The following ANK3 variants were observed in gnomAD, a reference collection of about 807,000 sequenced individuals.
ANK3 encodes ankyrin-3.
ANK3 carries 57 observed loss-of-function variants against 370.9 expected under a neutral mutation model. The ratio of observed to expected loss-of-function variants is 0.15; its 90% confidence interval spans 0.12 to 0.19. The LOEUF is 0.19. ANK3 is among the 10% of genes least tolerant of loss of function. ANK3 has a pLI of 1.00. For synonymous variants in ANK3, 1,929 were observed against 1,946.3 expected (o/e 0.99, Z 0.23); for missense variants, 4,439 against 5,302.1 (o/e 0.84, Z 5.06).
At chr10:60,145,956 A>G in intron 23 of ANK3, 1 of 780,818 alleles carries the variant, frequency 1.3e-6, no homozygotes, top group Admixed American at 2.0e-5. Flanking sequence ...GGCAAAGAGG[A>G]GGGAGACTTA....
In ANK3 at chr10:60,662,513, C is replaced by A. The variant is rs75799958; in HGVS notation, c.58-47289G>T. Among the ~76,000 whole-genome samples, 445 of 152,202 alleles carry A rather than the reference C, an allele frequency of 2.9e-3. 3 individuals are homozygous for A. Among genetic ancestry groups the A allele is most frequent in the African/African-American group, 0.01 (420 of 41,522 alleles). The stretch of plus-strand genomic sequence containing the variant: ...TTAGAACCAAATCCTAACAATCTAA[C>A]CTACTGCTAAATATGTGTATATATT... On this transcript the variant is annotated intron_variant, in intron 1 of 43. Coordinates refer to the ANK3 transcript ENST00000373827.
intron 7 of ANK3, among the ~76,000 whole-genome samples, chr10:60,250,085 C>T (rs2097627209): frequency 2.0e-5 from 3 of 152,190 alleles, no homozygotes. Flanking sequence ...GGGTTATCAA[C>T]ACAAAAATAA....
At chr10:60,153,426 G>C (rs918475005) in intron 23 of ANK3, among the ~76,000 whole-genome samples, 2 of 152,138 alleles carry the variant, frequency 1.3e-5, no homozygotes, top group African/African-American at 4.8e-5. Context: ...TCTGAAAGTA[G>C]GACTGATATG....
intron 2 of ANK3, among the ~76,000 whole-genome samples, chr10:60,463,339 A>C (rs1027610544): frequency 2.0e-5 from 3 of 152,138 alleles, no homozygotes; most frequent in Non-Finnish European, 4.4e-5. Flanking sequence ...TATTTTTGGC[A>C]GTCAATATAT....
chr10:60,551,304 G>A (rs1356336665), intron 2 of ANK3, among the ~76,000 whole-genome samples: 1 of 152,038 alleles, frequency 6.6e-6, no homozygotes, highest in East Asian at 1.9e-4. Flanking sequence ...ATAGTAGAAA[G>A]GGCCATTATT....
chr10:60,690,126 C>T (rs1386156719), intron 1 of ANK3, among the ~76,000 whole-genome samples: 3 of 152,038 alleles, frequency 2.0e-5, no homozygotes, highest in African/African-American at 7.2e-5. Flanking sequence ...TCCAAGATGG[C>T]CGAATAGGAA....
rs1018722967 is a variant in ANK3, at chr10:60,203,072, G to C, written c.1322C>G (p.Ala441Gly). The change falls in exon 12 of 44, where the codon GCC (alanine) becomes GGC (glycine). Residue 441 changes from alanine (A) to glycine (G), a missense_variant. Transcript: ENST00000280772. ...TACAATATTTACATGCCCCATGAAG[G>C]CAGCAACATGGATTGGGGTAAGGCC... ...ESGLTPIHVA[A>G]FMGHVNIVSQ... is the part of the protein sequence containing the mutation. 6.2e-7 allele frequency: 1 copy of C among 1,613,720 alleles called. No homozygotes were observed. The highest frequency in any genetic ancestry group is 8.5e-7 in the Non-Finnish European group (1 of 1,179,776).
At chr10:60,031,597 C>T (rs544148160) in intron 43 of ANK3, among the ~76,000 whole-genome samples, 15 of 152,326 alleles carry the variant, frequency 9.8e-5, no homozygotes, top group Admixed American at 9.1e-4. Flanking sequence ...AATAACCCTG[C>T]TCACTCCCAT....
chr10:60,313,341 A>G (rs1239232138), intron 1 of ANK3, among the ~76,000 whole-genome samples: 1 of 152,198 alleles, frequency 6.6e-6, no homozygotes, highest in Non-Finnish European at 1.5e-5. Context: ...TATGAGAACC[A>G]TGTGAATGTA....
intron 1 of ANK3, among the ~76,000 whole-genome samples, chr10:60,670,251 A>C (rs1457079261): frequency 6.6e-6 from 1 of 151,940 alleles, no homozygotes; most frequent in Non-Finnish European, 1.5e-5. Flanking sequence ...CAACCCTAAC[A>C]TGCCTAAAAT....
chr10:60,314,017 T>C (rs770799619), intron 1 of ANK3, among the ~76,000 whole-genome samples: 3 of 151,972 alleles, frequency 2.0e-5, no homozygotes, highest in Non-Finnish European at 4.4e-5. Context: ...TGCTAGAGTG[T>C]GCACTCTTCT....
intron 2 of ANK3, among the ~76,000 whole-genome samples, chr10:60,398,392 G>A (rs1310744617): frequency 6.6e-6 from 1 of 152,146 alleles, no homozygotes; most frequent in African/African-American, 2.4e-5. Context: ...TGAATGGACA[G>A]CATGGTCAAA....
chr10:60,452,982 C>G (rs1458374403), intron 2 of ANK3, among the ~76,000 whole-genome samples: 1 of 152,204 alleles, frequency 6.6e-6, no homozygotes, highest in Non-Finnish European at 1.5e-5. Context: ...GACATCTTCT[C>G]TGCTTCACAT....
chr10:60,341,219 G>C (rs1045304953), intron 1 of ANK3, among the ~76,000 whole-genome samples: 1 of 152,096 alleles, frequency 6.6e-6, no homozygotes, highest in Non-Finnish European at 1.5e-5. Context: ...TCTTGAGAAA[G>C]TATAAAAAAT....
intron 2 of ANK3, among the ~76,000 whole-genome samples, chr10:60,440,172 C>T (rs1419667339): frequency 1.3e-5 from 2 of 152,082 alleles, no homozygotes; most frequent in African/African-American, 4.8e-5. Context: ...ATAATGTTCA[C>T]CTCCTTGCCC....
At chr10:60,295,844 C>G (rs570740196) in intron 1 of ANK3, among the ~76,000 whole-genome samples, 1 of 151,998 alleles carries the variant, frequency 6.6e-6, no homozygotes, top group African/African-American at 2.4e-5. Flanking sequence ...TGAAACATAA[C>G]GGTATTTTCC....
chr10:60,030,202 G>A (rs907075258), intron 43 of ANK3, among the ~76,000 whole-genome samples: 1 of 151,990 alleles, frequency 6.6e-6, no homozygotes, highest in African/African-American at 2.4e-5. Context: ...GAGTGCAGTG[G>A]CCCGAAATTG....
intron 18 of ANK3, among the ~76,000 whole-genome samples, chr10:60,176,117 G>A (rs1460681171): frequency 6.6e-6 from 1 of 150,748 alleles, no homozygotes; most frequent in Non-Finnish European, 1.5e-5. Context: ...CAGATCACTT[G>A]AGGCCAGGAG....
chr10:60,479,500 T>A (rs974005435), intron 2 of ANK3, among the ~76,000 whole-genome samples: 1 of 152,176 alleles, frequency 6.6e-6, no homozygotes, highest in Non-Finnish European at 1.5e-5. Context: ...ATCCCCATTG[T>A]TAAGTGACAC....
Sources: gnomAD v4.1 joint callset for allele counts (sites outside exome capture counted in the v4.1 genomes callset) on GRCh38, gnomAD v4.1.1 for gene constraint, MANE v1.5 for transcripts, NCBI Gene and HGNC (gene_info 2026-07-23, HGNC 2026-07-21) for gene names.